The following BACH2 variants were observed in gnomAD, a reference collection of about 807,000 sequenced individuals.
BACH2 encodes BACH transcriptional regulator 2.
A neutral mutation model predicts 61.8 loss-of-function variants in BACH2; 5 were observed. That is an observed-to-expected ratio of 0.08 (90% confidence interval 0.04 to 0.17). BACH2 has a LOEUF of 0.17. Ranked by LOEUF, BACH2 falls within the 10% of genes least tolerant of loss-of-function variation. The pLI is 1.00. For missense variants in BACH2, 824 were observed against 1,091.1 expected, an observed-to-expected ratio of 0.76 and a Z score of 3.45; for synonymous variants, 446 against 440.1, an observed-to-expected ratio of 1.01 and a Z score of -0.17.
intron 3 of BACH2, among the ~76,000 whole-genome samples, chr6:90,237,702 C>T (rs915514535): frequency 3.9e-5 from 6 of 152,158 alleles, no homozygotes; most frequent in African/African-American, 1.2e-4. Context: ...TCTGAATGAA[C>T]CTGCTGGGAA....
chr6:90,111,640 T>C (rs76100591), intron 4 of BACH2, among the ~76,000 whole-genome samples: 1,843 of 152,342 alleles, frequency 0.012, 32 homozygotes, highest in African/African-American at 0.042. Context: ...TCTCCTGTGT[T>C]AGGCATTACT....
At position 90,089,829 on chromosome 6, in the gene BACH2, G is replaced by C. The variant is rs568755552; in HGVS notation, c.-161-720C>G. On this transcript the variant is annotated intron_variant, in intron 4 of 8. Transcript: ENST00000257749. ...CTACCATTTATTACATTAGTATCTT[G>C]TGAGAGTATGGAGCAGCACCCTATA... 1.2e-3 allele frequency among the ~76,000 whole-genome samples: 185 copies of C among 152,204 alleles called. 1 individual carries two copies. Among genetic ancestry groups the C allele is most frequent in the Middle Eastern group, 3.4e-3 (1 of 294 alleles).
rs184748960 is a variant in BACH2, at chr6:90,026,441, A to G, written c.-12-17585T>C. The stretch of plus-strand genomic sequence containing the variant: ...TTTCCATGTGAAGTCAAGAAGCAAT[A>G]TATTAGTCATGCCATTGTTCCTAGT... On this transcript the variant is annotated intron_variant, in intron 5 of 8. Coordinates refer to ENST00000257749, the MANE Select transcript of BACH2 (RefSeq NM_021813.4). 2.0e-5 allele frequency among the ~76,000 whole-genome samples: 3 copies of G among 152,330 alleles called. No homozygotes were observed. The East Asian group carries it at 5.8e-4, about 29-fold the overall frequency.
chr6:90,076,444 C>T (rs750951873), intron 5 of BACH2, among the ~76,000 whole-genome samples: 1 of 152,172 alleles, frequency 6.6e-6, no homozygotes, highest in Non-Finnish European at 1.5e-5. Flanking sequence ...ACTCCAAGCA[C>T]ACATGATGTT....
At chr6:90,137,111 C>T (rs1784296238) in intron 4 of BACH2, among the ~76,000 whole-genome samples, 1 of 152,138 alleles carries the variant, frequency 6.6e-6, no homozygotes, top group African/African-American at 2.4e-5. Context: ...GACGGCAAAG[C>T]CTGACACAGA....
chr6:90,057,537 C>T (rs894091168), intron 5 of BACH2, among the ~76,000 whole-genome samples: 1 of 152,134 alleles, frequency 6.6e-6, no homozygotes, highest in African/African-American at 2.4e-5. Flanking sequence ...CCGAATTCTA[C>T]CAGAGGTACA....
intron 3 of BACH2, among the ~76,000 whole-genome samples, chr6:90,225,937 G>A (rs753962900): frequency 1.3e-5 from 2 of 152,100 alleles, no homozygotes; most frequent in Non-Finnish European, 2.9e-5. Flanking sequence ...TTCTCCAAGC[G>A]GGGTCCTAAG....
At chr6:90,177,846 T>C (rs1582453216) in intron 4 of BACH2, among the ~76,000 whole-genome samples, 4 of 152,238 alleles carry the variant, frequency 2.6e-5, no homozygotes, top group Admixed American at 2.6e-4. Flanking sequence ...GATAAGAAGG[T>C]ACTGTGAATC....
chr6:90,198,512 C>T (rs779261387), intron 4 of BACH2, among the ~76,000 whole-genome samples: 2 of 152,234 alleles, frequency 1.3e-5, no homozygotes, highest in Non-Finnish European at 2.9e-5. Context: ...AGGGTCTTAA[C>T]ACAAAGTCCA....
chr6:89,941,705 C>G (rs1773441477), intron 7 of BACH2, among the ~76,000 whole-genome samples: 1 of 152,206 alleles, frequency 6.6e-6, no homozygotes, highest in Non-Finnish European at 1.5e-5. Context: ...TCCAACACAG[C>G]AGAGGTGGTG....
chr6:89,979,703 G>A (rs62408181), intron 6 of BACH2, among the ~76,000 whole-genome samples: 24,768 of 152,032 alleles, frequency 0.16, 2,599 homozygotes, highest in Non-Finnish European at 0.24. Flanking sequence ...TGAACAAACC[G>A]AAACAAAAAA....
intron 2 of BACH2, among the ~76,000 whole-genome samples, chr6:90,257,489 T>C (rs981170062): frequency 3.3e-5 from 5 of 152,226 alleles, no homozygotes; most frequent in African/African-American, 1.2e-4. Context: ...TACCCTTTCA[T>C]ATGCCTGTGG....
At chr6:90,217,411 T>C (rs1769575408) in intron 3 of BACH2, among the ~76,000 whole-genome samples, 1 of 152,212 alleles carries the variant, frequency 6.6e-6, no homozygotes, top group Non-Finnish European at 1.5e-5. Context: ...TTGACCTACA[T>C]TCTATCTAGG....
chr6:89,938,091 A>T, intron 8 of BACH2, 53 bp downstream of exon 8: 1 of 1,532,550 alleles, frequency 6.5e-7, no homozygotes, highest in Admixed American at 1.7e-5. Flanking sequence ...CTGTTACTTT[A>T]CATTAGTCCT....
chr6:90,081,877 C>G (rs1041903810), intron 5 of BACH2, among the ~76,000 whole-genome samples: 1 of 152,044 alleles, frequency 6.6e-6, no homozygotes, highest in African/African-American at 2.4e-5. Context: ...CTAACCTTGG[C>G]CAAGTGTTAG....
intron 5 of BACH2, among the ~76,000 whole-genome samples, chr6:90,045,973 G>A (rs1188379380): frequency 3.3e-5 from 5 of 152,088 alleles, no homozygotes; most frequent in Non-Finnish European, 7.4e-5. Flanking sequence ...TGAGGACTCT[G>A]TTCATATCTG....
chr6:90,137,620 C>A (rs575941297), intron 4 of BACH2, among the ~76,000 whole-genome samples: 2 of 152,318 alleles, frequency 1.3e-5, no homozygotes, highest in Admixed American at 1.3e-4. Context: ...TGGACAAACA[C>A]ATTCTTATTC....
At chr6:90,006,963 G>T (rs1011873768) in intron 6 of BACH2, among the ~76,000 whole-genome samples, 1 of 152,176 alleles carries the variant, frequency 6.6e-6, no homozygotes, top group Non-Finnish European at 1.5e-5. Flanking sequence ...CTCAGCAGGG[G>T]TAATAGCAGA....
intron 6 of BACH2, among the ~76,000 whole-genome samples, chr6:89,955,990 T>C (rs1370488192): frequency 6.6e-6 from 1 of 152,128 alleles, no homozygotes; most frequent in Non-Finnish European, 1.5e-5. Context: ...AATAGAAGAA[T>C]AGTTCCAACT....
Sources: allele counts gnomAD v4.1 joint callset (sites outside exome capture counted in the v4.1 genomes callset), GRCh38; gene constraint gnomAD v4.1.1; transcripts MANE v1.5; gene names NCBI Gene and HGNC (gene_info 2026-07-23, HGNC 2026-07-21).